The following MYCBP2 variants were observed in gnomAD, a reference collection of about 807,000 sequenced individuals.
The protein encoded by MYCBP2 is MYC binding protein 2.
MYCBP2 carries 120 observed loss-of-function variants against 525.3 expected under a neutral mutation model. The ratio of observed to expected loss-of-function variants is 0.23; its 90% CI spans 0.20 to 0.27. The LOEUF (loss-of-function observed/expected upper bound fraction) is 0.27, where lower values mean the gene tolerates loss of function less well. Among genes scored for constraint, MYCBP2 ranks in the 10% least tolerant of loss-of-function variants. The pLI is 1.00. For synonymous variants in MYCBP2, 1,894 were observed against 1,955.8 expected, an observed-to-expected ratio of 0.97 and a Z score of 0.83; for missense variants, 4,149 against 5,657.1, an observed-to-expected ratio of 0.73 and a Z score of 8.55.
intron 1 of MYCBP2, among the ~76,000 whole-genome samples, chr13:77,306,275 G>C (rs781568321): frequency 5.3e-5 from 8 of 152,144 alleles, no homozygotes; most frequent in Non-Finnish European, 1.0e-4. Context: ...TTAATGTAAT[G>C]ATACTCCTAT....
chr13:77,089,149 T>C, intron 60 of MYCBP2, 118 bp from the exon 61 acceptor site: 1 of 725,412 alleles, frequency 1.4e-6, no homozygotes. Context: ...ATGACACAAA[T>C]CATAACAATT....
At position 77,288,163 on chromosome 13, in the gene MYCBP2, T is replaced by C; in HGVS notation, c.592A>G (p.Lys198Glu). The C allele has an allele frequency of 1.2e-6, 2 of 1,613,940 alleles. No individual in the cohort carries two copies. The highest frequency in any genetic ancestry group is 1.1e-5 in the South Asian group (1 of 91,064). The change falls in exon 3 of 83, where the codon AAG (lysine) becomes GAG (glutamate). Residue 198 changes from lysine (K) to glutamate (E), a missense_variant and splice_region_variant. This residue lies in a region of MYCBP2 where 413 missense variants were observed against 451.2 expected (regional missense o/e 0.92). Transcript: ENST00000544440. ...ATTAATAGAACTCAGTGGCTTACCT[T>C]TGGAAGCTTGATAGGGGGCTCTTTG... ...ESKEPPIKLP[K>E]IIEVGLCEVF...
chr13:77,318,632 T>G (rs1187622736), intron 1 of MYCBP2, among the ~76,000 whole-genome samples: 2 of 152,118 alleles, frequency 1.3e-5, no homozygotes, highest in Non-Finnish European at 2.9e-5. Flanking sequence ...GACACGCCTG[T>G]AATCCCAACT....
At chr13:77,060,120 T>G (rs893546112) in intron 76 of MYCBP2, among the ~76,000 whole-genome samples, 1 of 152,094 alleles carries the variant, frequency 6.6e-6, no homozygotes, top group African/African-American at 2.4e-5. Context: ...GGAATTTAAA[T>G]ATGTTTGAAA....
At chr13:77,322,254 A>G (rs2081752753) in intron 1 of MYCBP2, among the ~76,000 whole-genome samples, 1 of 152,220 alleles carries the variant, frequency 6.6e-6, no homozygotes, top group African/African-American at 2.4e-5. Context: ...TCTAACAAGA[A>G]AGAGATAAAG....
At chr13:77,169,259 AGTGGCGGGCGCCTG>A (rs1481840126) in intron 39 of MYCBP2, among the ~76,000 whole-genome samples, 1 of 151,936 alleles carries the variant, frequency 6.6e-6, no homozygotes, top group African/African-American at 2.4e-5. Context: ...AGCCGGGCGC[AGTGGCGGGCGCCTG>A]TAGTCCCAGC....
chr13:77,298,278 C>G (rs192152030), intron 1 of MYCBP2, among the ~76,000 whole-genome samples: 2 of 152,330 alleles, frequency 1.3e-5, no homozygotes, highest in Admixed American at 1.3e-4. Flanking sequence ...TACTTATCTT[C>G]GAGGTCTCAG....
chr13:77,319,287 T>C (rs543384042), intron 1 of MYCBP2, among the ~76,000 whole-genome samples: 205 of 152,238 alleles, frequency 1.3e-3, no homozygotes, highest in African/African-American at 4.7e-3. Flanking sequence ...CTCTAGCTAG[T>C]AGAAGAAGGC....
At chr13:77,229,040 GTGC>G (rs962016354) in intron 18 of MYCBP2, among the ~76,000 whole-genome samples, 1 of 152,184 alleles carries the variant, frequency 6.6e-6, no homozygotes, top group African/African-American at 2.4e-5. Flanking sequence ...CACTTGCTGT[GTGC>G]TAACTGAACA....
At chr13:77,050,717 T>C (rs1055989292) in intron 82 of MYCBP2, among the ~76,000 whole-genome samples, 1 of 152,188 alleles carries the variant, frequency 6.6e-6, no homozygotes, top group Non-Finnish European at 1.5e-5. Flanking sequence ...ATATGACTTT[T>C]TAGTGCTGAA....
intron 82 of MYCBP2, among the ~76,000 whole-genome samples, chr13:77,046,198 G>A (rs1433898338): frequency 1.3e-5 from 2 of 152,116 alleles, no homozygotes; most frequent in Non-Finnish European, 2.9e-5. Flanking sequence ...TTATATTAAT[G>A]TGCTTCACGT....
chr13:77,135,699 T>A (rs1425129574), intron 52 of MYCBP2, among the ~76,000 whole-genome samples: 1 of 152,222 alleles, frequency 6.6e-6, no homozygotes. Flanking sequence ...TAAATCCTTA[T>A]GTCATCTACC....
At chr13:77,093,417 C>T (rs940432868) in intron 58 of MYCBP2, 85 bp from the exon 59 acceptor site, 6 of 1,193,720 alleles carry the variant, frequency 5.0e-6, no homozygotes, top group Non-Finnish European at 7.1e-6. Context: ...ACAGGAAAAG[C>T]AGCACATGTA....
intron 79 of MYCBP2, 74 bp from the exon 80 acceptor site, chr13:77,055,841 A>C (rs1030223416): frequency 6.9e-6 from 7 of 1,015,448 alleles, no homozygotes; most frequent in Non-Finnish European, 7.4e-6. Flanking sequence ...CATGCACCTA[A>C]GTGCCAAGCA....
intron 52 of MYCBP2, among the ~76,000 whole-genome samples, chr13:77,128,143 A>G (rs1289902086): frequency 6.6e-6 from 1 of 151,928 alleles, no homozygotes; most frequent in Non-Finnish European, 1.5e-5. Flanking sequence ...GAATACACAG[A>G]GAGCACTCAA....
chr13:77,225,325 G>T, intron 19 of MYCBP2, 110 bp downstream of exon 19: 1 of 1,414,472 alleles, frequency 7.1e-7, no homozygotes, highest in South Asian at 1.3e-5. Flanking sequence ...AGACTGCCAC[G>T]CTACAGCTTT....
chr13:77,079,472 G>T (rs779858625), intron 65 of MYCBP2, among the ~76,000 whole-genome samples: 1 of 152,078 alleles, frequency 6.6e-6, no homozygotes, highest in African/African-American at 2.4e-5. Flanking sequence ...TAAGTTTTAC[G>T]CAAAGCACAT....
intron 31 of MYCBP2, 83 bp from the exon 32 acceptor site, chr13:77,185,460 T>C: frequency 7.3e-7 from 1 of 1,370,558 alleles, no homozygotes; most frequent in East Asian, 2.3e-5. Context: ...AGTAATTCCC[T>C]ATACAGCTAA....
rs538036864 is a variant in MYCBP2, at chr13:77,086,853, C to A, written c.10875+631G>T. On this transcript the variant is annotated intron_variant, in intron 62 of 82. Coordinates refer to ENST00000544440, the MANE Select transcript of MYCBP2 (RefSeq NM_015057.5). ...TATAAAATCTCAAAACTAAAAATAT[C>A]AATTATACTTAGATTAGTATTTATG... Among the ~76,000 whole-genome samples, 15 of 152,118 alleles carry A rather than the reference C, an allele frequency of 9.9e-5. No homozygotes were observed. In the South Asian group the frequency reaches 2.9e-3, roughly 29 times the overall value.
Sources: allele counts gnomAD v4.1 joint callset (sites outside exome capture counted in the v4.1 genomes callset), GRCh38; gene constraint gnomAD v4.1.1; regional missense constraint gnomAD v4.1.1; transcripts MANE v1.5; gene names NCBI Gene and HGNC (gene_info 2026-07-23, HGNC 2026-07-21).